Variants in ITPR3 observed in about 807,000 individuals in gnomAD.
The protein encoded by ITPR3 is inositol 1,4,5-trisphosphate receptor type 3, also known as inositol 1,4,5-trisphosphate-gated calcium channel ITPR3.
A neutral mutation model predicts 293.2 loss-of-function variants in ITPR3; 173 were observed. That is an observed-to-expected ratio of 0.59 (90% confidence interval 0.52 to 0.67). The LOEUF (loss-of-function observed/expected upper bound fraction) is 0.67. Among genes scored for constraint, ITPR3 ranks in the 30% least tolerant of loss-of-function variants. The pLI, the probability that ITPR3 is intolerant of heterozygous loss-of-function variation, is 0.00. For missense variants in ITPR3, 2,796 were observed against 3,592.1 expected (o/e 0.78, Z 5.66); for synonymous variants, 1,295 against 1,444.4 (o/e 0.90, Z 2.35).
In ITPR3 at chr6:33,655,075, T is replaced by C. The variant is rs1047369720; in HGVS notation, c.161-691T>C. ...ATGTTTCTGGAATTTGGATTTGCCT[T>C]GTCTTAGGTCAGATTCCTAGAAGCA... On this transcript the variant is annotated intron_variant, in intron 2 of 57. Coordinates refer to ENST00000605930, the MANE Select transcript of ITPR3 (RefSeq NM_002224.4). This position sits in a 1 kb window ranked among gnomAD's most constrained non-coding sequence, Gnocchi z 4.9. Among the ~76,000 whole-genome samples the C allele has an allele frequency of 3.3e-5, 5 of 152,270 alleles. No homozygotes were observed. The highest frequency in any genetic ancestry group is 6.5e-5 in the Admixed American group (1 of 15,290).
rs765796282 is a variant in ITPR3, at chr6:33,655,350, C to G, written c.161-416C>G. Among the ~76,000 whole-genome samples, 50 of 152,166 alleles carry G rather than the reference C, an allele frequency of 3.3e-4. No homozygotes were observed. The highest frequency in any genetic ancestry group is 4.6e-4 in the Admixed American group (7 of 15,270). The stretch of plus-strand genomic sequence containing the variant: ...GCTGCCCCTGGGAAGAGGGGTATGT[C>G]ATTTCCCAGGCATCTGTGTGCAAGA... On this transcript the variant is annotated intron_variant, in intron 2 of 57. Coordinates refer to ENST00000605930, the MANE Select transcript of ITPR3 (RefSeq NM_002224.4). The surrounding 1 kb of genome is among the most constrained non-coding windows in gnomAD (Gnocchi z 4.9).
In ITPR3 at chr6:33,632,749, G is replaced by T. The variant is rs1169823064; in HGVS notation, c.90-7735G>T. Among the ~76,000 whole-genome samples, 1 of 152,242 alleles carries T rather than the reference G, an allele frequency of 6.6e-6. No individual in the cohort carries two copies. Among genetic ancestry groups the T allele is most frequent in the Non-Finnish European group, 1.5e-5 (1 of 68,046 alleles). On this transcript the variant is annotated intron_variant, in intron 1 of 57. Coordinates refer to ENST00000605930, the MANE Select transcript of ITPR3 (RefSeq NM_002224.4). The surrounding 1 kb of genome is among the most constrained non-coding windows in gnomAD (Gnocchi z 4.1). ...CCTCCCAGTGGATGGAAGGCGCACT[G>T]CAGGGACTGTTGTCCTCTGGGCTCC...
Position 33,687,031 on chromosome 6 carries a change from T to C in ITPR3, c.6002T>C (p.Leu2001Pro). The stretch of plus-strand genomic sequence containing the variant: ...CAGGACAATGCCTCCAAGCTGCTCC[T>C]GGCTCTGATGGAGAGCCGGCATGAC... Reference protein sequence around the residue: ...QLKDNASKLLLALMESRHDSE... With the variant: ...QLKDNASKLLPALMESRHDSE... The change falls in exon 44 of 58, where the codon CTG (leucine) becomes CCG (proline). Residue 2001 changes from leucine to proline, a missense_variant. Leu to Pro is a moderately conservative substitution (Grantham distance 98). This residue lies in a region of ITPR3 where 704 missense variants were observed against 797.5 expected (regional missense o/e 0.88). Transcript: ENST00000605930. The surrounding 1 kb of genome is among the most constrained non-coding windows in gnomAD (Gnocchi z 5.3). 6 of 1,613,960 alleles carry C rather than the reference T, an allele frequency of 3.7e-6. No homozygotes were observed. Among genetic ancestry groups the C allele is most frequent in the Non-Finnish European group, 5.1e-6 (6 of 1,179,966 alleles).
At chr6:33,661,556 G>C (rs550914009) in intron 7 of ITPR3, among the ~76,000 whole-genome samples, 1 of 152,190 alleles carries the variant, frequency 6.6e-6, no homozygotes, top group Admixed American at 6.5e-5. Flanking sequence ...TGGCTGGCAC[G>C]CGGTAAGTGT....
Position 33,663,873 on chromosome 6 carries a change from G to A in ITPR3, c.1141G>A (p.Val381Met). The A allele has an allele frequency of 1.2e-6, 2 of 1,614,078 alleles. No homozygotes were observed. The highest frequency in any genetic ancestry group is 8.5e-7 in the Non-Finnish European group (1 of 1,180,004). ...CACCTTGCAGAAAACCGACTCTTTC[G>A]TGCCCCGGTGGGTATGCGCCATGTG... ...PTTLQKTDSFVPRNSYVRLRH... is the reference protein window; with the variant it reads ...PTTLQKTDSFMPRNSYVRLRH... The change falls in exon 11 of 58, where the codon GTG becomes ATG. Residue 381 changes from valine to methionine, a missense_variant. Physicochemically the swap from Val to Met is conservative, Grantham distance 21. Around this residue, in one of 8 missense-constraint regions of ITPR3, gnomAD observed 955 missense variants for 1,180.8 expected, o/e 0.81. Transcript: ENST00000605930.
At chr6:33,627,268 G>A (rs1763569737) in intron 1 of ITPR3, among the ~76,000 whole-genome samples, 1 of 152,028 alleles carries the variant, frequency 6.6e-6, no homozygotes, top group Non-Finnish European at 1.5e-5. Flanking sequence ...TGGAGAAAAT[G>A]TGAAAAACTC....
chr6:33,665,158 C>T lies in ITPR3; in HGVS notation c.1354C>T (p.Leu452=). The change falls in exon 13 of 58, where the codon CTG becomes TTG. Residue 452 remains leucine, a synonymous_variant. Coordinates refer to ENST00000605930, the MANE Select transcript of ITPR3 (RefSeq NM_002224.4). ...LDFANDASSM[L]ASAVEKLNEG... is the part of the protein sequence containing the mutation. ...CTTTGCCAATGACGCCAGCTCCATGCTGGCCAGTGCCGTGGAGAAACTCAA... is the reference window on the plus strand; with the variant it reads ...CTTTGCCAATGACGCCAGCTCCATGTTGGCCAGTGCCGTGGAGAAACTCAA... 1 of 1,614,184 alleles carries T rather than the reference C, an allele frequency of 6.2e-7. No individual in the cohort carries two copies. Among genetic ancestry groups the T allele is most frequent in the South Asian group, 1.1e-5 (1 of 91,088 alleles).
rs964888089 is a variant in ITPR3, at chr6:33,682,193, T to C, written c.4477-331T>C. 6.6e-6 allele frequency among the ~76,000 whole-genome samples: 1 copy of C among 152,212 alleles called. No homozygotes were observed. The highest frequency in any genetic ancestry group is 2.4e-5 in the African/African-American group (1 of 41,454). The stretch of plus-strand genomic sequence containing the variant: ...CACTGCGCCCAGCCTCAAAGTGTTA[T>C]CTTTTAAATAACCTTTTGGTTTTTC... On this transcript the variant is annotated intron_variant, in intron 33 of 57. Transcript: ENST00000605930. This position sits in a 1 kb window ranked among gnomAD's most constrained non-coding sequence, Gnocchi z 5.4.
chr6:33,660,389 C>T (rs1032531172), intron 7 of ITPR3, among the ~76,000 whole-genome samples: 3 of 151,972 alleles, frequency 2.0e-5, no homozygotes, highest in African/African-American at 4.8e-5. Flanking sequence ...TGCCCTCCTC[C>T]CCACGCTGAG....
Position 33,671,163 on chromosome 6 carries a change from A to C in ITPR3, c.2587-2A>C. 1 of 1,612,668 alleles carries C rather than the reference A, an allele frequency of 6.2e-7. No individual in the cohort carries two copies. The highest frequency in any genetic ancestry group is 1.3e-5 in the African/African-American group (1 of 74,704). On this transcript the variant is annotated splice_acceptor_variant, in intron 20 of 57. Transcript: ENST00000605930. LOFTEE classifies it high-confidence loss of function. ...CTCACCTCGGCCACGCCCCCTTCGC[A>C]GGTGGTCAGCCTGGCGCACAATCTC...
At chr6:33,643,509 G>A (rs992805177) in intron 2 of ITPR3, among the ~76,000 whole-genome samples, 2 of 152,248 alleles carry the variant, frequency 1.3e-5, no homozygotes, top group Admixed American at 6.5e-5. Flanking sequence ...TGGCACCCAC[G>A]CTAGGCCAGC....
chr6:33,693,217 C>T (rs1451845470), intron 55 of ITPR3, among the ~76,000 whole-genome samples: 2 of 152,218 alleles, frequency 1.3e-5, no homozygotes, highest in South Asian at 2.1e-4. Flanking sequence ...CCAGCCACCT[C>T]GGGCTCAGGC....
rs747957895 is a variant in ITPR3 at position 33,659,124 on chromosome 6, G to C, written c.627+5G>C. On this transcript the variant is annotated splice_donor_5th_base_variant and intron_variant, in intron 6 of 57. Coordinates refer to ENST00000605930, the MANE Select transcript of ITPR3 (RefSeq NM_002224.4). ...GACAACGCCGGCTGCAAGGAGGTGA[G>C]GGGGTGGGGGGTCAGCCATGCAGTG... is the stretch of plus-strand genomic sequence containing the variant. 1.4e-5 allele frequency: 23 copies of C among 1,613,112 alleles called. No individual in the cohort carries two copies. Among genetic ancestry groups the C allele is most frequent in the Non-Finnish European group, 2.0e-5 (23 of 1,179,478 alleles).
chr6:33,653,349 A>G (rs748949419), intron 2 of ITPR3, among the ~76,000 whole-genome samples: 4 of 149,584 alleles, frequency 2.7e-5, no homozygotes, highest in Non-Finnish European at 4.4e-5. Context: ...TCCTGGCCTC[A>G]AGTGATCCTC....
intron 1 of ITPR3, among the ~76,000 whole-genome samples, chr6:33,635,391 G>A (rs1161452115): frequency 1.3e-5 from 2 of 152,144 alleles, no homozygotes; most frequent in Non-Finnish European, 2.9e-5. Context: ...GTACTTTACT[G>A]CACAGCTAGT....
Position 33,669,117 on chromosome 6 carries a change from CCGGCAACGCCCA to C in ITPR3, c.2153_2164del (p.Gly718_His721del). ...AGGCAGCTGGCCCAGGAGGCGCGGG[CCGGCAACGCCCA>C]CGACGAGAATGTGCTCAGCTACTAC... On this transcript the variant is annotated inframe_deletion, in exon 18 of 58. Coordinates refer to ENST00000605930, the MANE Select transcript of ITPR3 (RefSeq NM_002224.4). 6.2e-7 allele frequency: 1 copy of C among 1,614,076 alleles called. No individual in the cohort carries two copies. Among genetic ancestry groups the C allele is most frequent in the Non-Finnish European group, 8.5e-7 (1 of 1,179,980 alleles).
chr6:33,640,703 C>T, intron 2 of ITPR3, 149 bp downstream of exon 2: 1 of 629,750 alleles, frequency 1.6e-6, no homozygotes, highest in Admixed American at 3.2e-5. Context: ...GCGGAATCCC[C>T]CTTGGCTTGC....
chr6:33,695,491 C>T, intron 57 of ITPR3: 1 of 586,056 alleles, frequency 1.7e-6, no homozygotes, highest in East Asian at 2.8e-5. Flanking sequence ...GCTGGTTTCC[C>T]AGCTGCATCA....
Position 33,648,702 on chromosome 6 carries a change from C to T in ITPR3, c.161-7064C>T, listed in dbSNP as rs1220841899. Among the ~76,000 whole-genome samples the T allele has an allele frequency of 2.6e-5, 4 of 151,660 alleles. 1 individual carries two copies. On this transcript the variant is annotated intron_variant, in intron 2 of 57. Transcript: ENST00000605930. ...GACCTCCAGGGCTCAAGCAATCCTC[C>T]CGCCTCAAGCCTCCCAAGTAGCTGG...
Sources: gnomAD v4.1 joint callset for allele counts (sites outside exome capture counted in the v4.1 genomes callset) on GRCh38, gnomAD v4.1.1 for gene constraint, gnomAD v4.1.1 regional missense constraint, Gnocchi (gnomAD v3.1) non-coding constraint, MANE v1.5 for transcripts, NCBI Gene and HGNC (gene_info 2026-07-23, HGNC 2026-07-21) for gene names.